Variants in ADGRG6 observed in about 807,000 individuals in gnomAD.
ADGRG6 encodes the protein G-protein coupled receptor 126.
ADGRG6 carries 84 observed loss-of-function variants against 142.4 expected under a neutral mutation model. The observed-to-expected ratio is 0.59, with a 90% CI of 0.49 to 0.71. ADGRG6 has a LOEUF of 0.71. ADGRG6 is among the 30% of genes least tolerant of loss of function. ADGRG6 has a pLI of 0.00. For missense variants in ADGRG6, 1,367 were observed against 1,466.6 expected, an observed-to-expected ratio of 0.93 and a Z score of 1.11; for synonymous variants, 521 against 520.5, an observed-to-expected ratio of 1.00 and a Z score of -0.01.
chr6:142,319,751 T>G (rs899957077), intron 2 of ADGRG6, among the ~76,000 whole-genome samples: 11 of 152,140 alleles, frequency 7.2e-5, no homozygotes, highest in Non-Finnish European at 1.6e-4. Flanking sequence ...GACATCTTTA[T>G]TCTCTGTCCA....
chr6:142,418,372 G>A (rs907335769), intron 21 of ADGRG6, among the ~76,000 whole-genome samples: 4 of 149,080 alleles, frequency 2.7e-5, no homozygotes, highest in Non-Finnish European at 5.9e-5. Flanking sequence ...TCACAGTCTT[G>A]CCATCTCTTA....
At chr6:142,351,433 A>C (rs958494462) in intron 2 of ADGRG6, among the ~76,000 whole-genome samples, 10 of 152,176 alleles carry the variant, frequency 6.6e-5, no homozygotes, top group African/African-American at 2.4e-4. Flanking sequence ...CAACAAAGGT[A>C]ACAATAACAA....
chr6:142,424,773 G>C (rs1014392510), intron 22 of ADGRG6, among the ~76,000 whole-genome samples: 15 of 152,064 alleles, frequency 9.9e-5, no homozygotes, highest in Admixed American at 2.6e-4. Context: ...CAAAAATCAT[G>C]ATGTGGTCCC....
chr6:142,392,445 T>C (rs780061163), intron 7 of ADGRG6, among the ~76,000 whole-genome samples: 8 of 151,952 alleles, frequency 5.3e-5, no homozygotes, highest in Non-Finnish European at 1.2e-4. Context: ...TGTTAATTTA[T>C]AATTTTTCTT....
rs376059023 is a variant in ADGRG6 at position 142,367,828 on chromosome 6, C to T, written c.363C>T (p.Asn121=). The part of the protein sequence containing the change: ...CGATAKGLSF[N]SSANEMHVSF... ...CAACTGCCAAAGGCCTATCATTTAA[C>T]TCAAGTGCGAATGAGATGCATGTGT... Residue 121 remains asparagine, a synonymous_variant, in exon 3 of 25, where the codon AAC becomes AAT. Transcript: ENST00000367609. 20 of 1,613,786 alleles carry T rather than the reference C, an allele frequency of 1.2e-5. No individual in the cohort carries two copies. Among genetic ancestry groups the T allele is most frequent in the Non-Finnish European group, 1.7e-5 (20 of 1,179,708 alleles).
At chr6:142,334,986 T>G (rs1392477990) in intron 2 of ADGRG6, among the ~76,000 whole-genome samples, 1 of 152,090 alleles carries the variant, frequency 6.6e-6, no homozygotes, top group Non-Finnish European at 1.5e-5. Flanking sequence ...TGAATAAAGG[T>G]GATTGGCACT....
chr6:142,335,058 G>T (rs962180678), intron 2 of ADGRG6, among the ~76,000 whole-genome samples: 5 of 152,174 alleles, frequency 3.3e-5, no homozygotes, highest in African/African-American at 1.2e-4. Context: ...ACAGGAAAGG[G>T]CTTACACAGA....
chr6:142,349,927 T>C (rs1734971652), intron 2 of ADGRG6, among the ~76,000 whole-genome samples: 1 of 152,194 alleles, frequency 6.6e-6, no homozygotes, highest in Admixed American at 6.5e-5. Context: ...CCTTTGATTG[T>C]GGAGAAAATT....
chr6:142,330,721 G>A (rs952412542), intron 2 of ADGRG6, among the ~76,000 whole-genome samples: 1 of 152,080 alleles, frequency 6.6e-6, no homozygotes, highest in Non-Finnish European at 1.5e-5. Context: ...TGCAAATATT[G>A]TATATGCCTT....
intron 2 of ADGRG6, among the ~76,000 whole-genome samples, chr6:142,356,453 G>A (rs1223117854): frequency 6.6e-6 from 1 of 152,108 alleles, no homozygotes; most frequent in Admixed American, 6.5e-5. Flanking sequence ...TGTCCCTTAG[G>A]GACTCAGACT....
chr6:142,358,707 C>T (rs960041446), intron 2 of ADGRG6, among the ~76,000 whole-genome samples: 1 of 150,740 alleles, frequency 6.6e-6, no homozygotes, highest in African/African-American at 2.4e-5. Flanking sequence ...GAGTTTGAGA[C>T]CAGCCTGACC....
At chr6:142,358,264 G>A (rs1780551131) in intron 2 of ADGRG6, among the ~76,000 whole-genome samples, 1 of 152,190 alleles carries the variant, frequency 6.6e-6, no homozygotes. Context: ...ATGAACATAA[G>A]GTGAGTGTGT....
chr6:142,423,803 C>T (rs2115117928), intron 22 of ADGRG6, among the ~76,000 whole-genome samples: 1 of 142,896 alleles, frequency 7.0e-6, no homozygotes, highest in East Asian at 2.1e-4. Context: ...TACCCATGAG[C>T]ATGGAATGTT....
At chr6:142,410,267 T>C (rs1264420577) in intron 17 of ADGRG6, among the ~76,000 whole-genome samples, 1 of 152,080 alleles carries the variant, frequency 6.6e-6, no homozygotes, top group African/African-American at 2.4e-5. Context: ...TAAGACACAG[T>C]TGAGGGGATT....
chr6:142,318,365 TTA>T (rs1274767269), intron 2 of ADGRG6, among the ~76,000 whole-genome samples: 49 of 104,468 alleles, frequency 4.7e-4, no homozygotes, highest in African/African-American at 1.8e-3. Context: ...TATATAATAT[TTA>T]TATATATTTA....
intron 4 of ADGRG6, among the ~76,000 whole-genome samples, chr6:142,372,084 A>G (rs1319239238): frequency 3.9e-5 from 6 of 152,192 alleles, no homozygotes; most frequent in Non-Finnish European, 8.8e-5. Flanking sequence ...TATTGGAAGT[A>G]GCTAAATGCA....
At position 142,393,941 on chromosome 6, in the gene ADGRG6, C is replaced by G. The variant is rs866093396; in HGVS notation, c.1407C>G (p.Ser469Arg). 5 of 1,560,224 alleles carry G rather than the reference C, an allele frequency of 3.2e-6. No homozygotes were observed. The highest frequency in any genetic ancestry group is 2.6e-6 in the Non-Finnish European group (3 of 1,148,940). The change falls in exon 9 of 25, where the codon AGC (serine) becomes AGG (arginine). Residue 469 changes from serine (S) to arginine (R), a missense_variant. Coordinates refer to ENST00000367609, the MANE Select transcript of ADGRG6 (RefSeq NM_198569.3). ...AGGACAAGATTAAAGTCAAGAGAAG[C>G]CTTGAGGATGAGCCAAGGTAACAGG... ...AGEDKIKVKRSLEDEPRLVLW... is the reference protein window; with the variant it reads ...AGEDKIKVKRRLEDEPRLVLW...
intron 15 of ADGRG6, among the ~76,000 whole-genome samples, chr6:142,407,823 T>C (rs1775883935): frequency 6.6e-6 from 1 of 152,212 alleles, no homozygotes; most frequent in Non-Finnish European, 1.5e-5. Context: ...TCTAATTGTT[T>C]CACAGCTTTT....
chr6:142,441,378 A>T (rs1041693728), intron 24 of ADGRG6, among the ~76,000 whole-genome samples: 5 of 152,164 alleles, frequency 3.3e-5, no homozygotes, highest in Non-Finnish European at 7.4e-5. Context: ...GCTTTGTGAG[A>T]ATTGTTATCT....
Sources: allele counts gnomAD v4.1 joint callset (sites outside exome capture counted in the v4.1 genomes callset), GRCh38; gene constraint gnomAD v4.1.1; transcripts MANE v1.5; gene names NCBI Gene and HGNC (gene_info 2026-07-23, HGNC 2026-07-21).